Variants in VGLL3 observed in about 807,000 individuals in gnomAD.
VGLL3 encodes vestigial like family member 3.
VGLL3 carries 18 observed loss-of-function variants against 29.2 expected under a neutral mutation model. The ratio of observed to expected loss-of-function variants is 0.62; its 90% CI spans 0.43 to 0.91. The LOEUF (loss-of-function observed/expected upper bound fraction) is 0.91. VGLL3 is among the 40% of genes least tolerant of loss of function. The pLI is 0.00. For missense variants in VGLL3, 440 were observed against 413.2 expected, an observed-to-expected ratio of 1.06 and a Z score of -0.56; for synonymous variants, 180 against 151.8, an observed-to-expected ratio of 1.19 and a Z score of -1.36.
In VGLL3 at chr3:86,943,625, A is replaced by G. The variant is rs1459258914; in HGVS notation, c.*3399T>C. On this transcript the variant is annotated 3_prime_UTR_variant, in exon 4 of 4. Transcript: ENST00000398399. ...CCATTTTTGCTTAACAAAATAATATAAATACTCTTAAGAAGAAAGAAAAAG... is the reference window on the plus strand; with the variant it reads ...CCATTTTTGCTTAACAAAATAATATGAATACTCTTAAGAAGAAAGAAAAAG... The G allele has an allele frequency of 6.6e-6, 1 of 152,136 alleles. No individual in the cohort carries two copies. Among genetic ancestry groups the G allele is most frequent in the Admixed American group, 6.5e-5 (1 of 15,276 alleles). The allele number at this position is 152,136 out of a possible 1,614,324, so 9.4% of individuals were successfully genotyped here.
At chr3:86,957,296 T>C (rs2106981784) in intron 3 of VGLL3, among the ~76,000 whole-genome samples, 1 of 152,292 alleles carries the variant, frequency 6.6e-6, no homozygotes, top group South Asian at 2.1e-4. Context: ...CTGTAACAAG[T>C]ATCACAGCTA....
rs1433244872 is a variant in VGLL3, at chr3:86,942,854, C to T, written c.*4170G>A. Reference sequence around the variant, plus strand: ...TTCTTACAGAAAAACAATCATGTATCTATTTGATTGCTGCAGAAACGGATA... The same window carrying T: ...TTCTTACAGAAAAACAATCATGTATTTATTTGATTGCTGCAGAAACGGATA... On this transcript the variant is annotated 3_prime_UTR_variant, in exon 4 of 4. Transcript: ENST00000398399. 1 of 152,170 alleles carries T rather than the reference C, an allele frequency of 6.6e-6. No homozygotes were observed. Among genetic ancestry groups the T allele is most frequent in the East Asian group, 1.9e-4 (1 of 5,198 alleles). 9.4% of individuals were successfully genotyped at this position (152,170 alleles called of 1,614,324 possible). A position where few individuals can be genotyped will look rare whatever the true frequency, so the allele number is the denominator to read the frequency against.
intron 1 of VGLL3, 172 bp downstream of exon 1, chr3:86,990,446 G>T (rs967403504): frequency 3.1e-6 from 3 of 976,612 alleles, no homozygotes; most frequent in African/African-American, 1.8e-5. Context: ...CGTCCACCCT[G>T]CTGCTCTCCC....
chr3:86,957,798 C>CT (rs1704752888), intron 3 of VGLL3, among the ~76,000 whole-genome samples: 1 of 152,002 alleles, frequency 6.6e-6, no homozygotes, highest in Non-Finnish European at 1.5e-5. Context: ...TATCTCTTTT[C>CT]TTTTTTTCCC....
In VGLL3 at chr3:86,968,822, G is replaced by T. The variant is rs1186683005; in HGVS notation, c.705C>A (p.His235Gln). The T allele has an allele frequency of 9.3e-6, 15 of 1,614,168 alleles. No individual in the cohort carries two copies. Among genetic ancestry groups the T allele is most frequent in the Non-Finnish European group, 1.3e-5 (15 of 1,180,028 alleles). ...VYMRHHHPHA[H>Q]MHHRHRHHHH... ...GATGGTGGCGGTGGCGGTGGTGCAT[G>T]TGGGCATGAGGGTGGTGGTGCCGCA... The change falls in exon 3 of 4, where the codon CAC becomes CAA. Residue 235 changes from histidine (H) to glutamine (Q), a missense_variant. Transcript: ENST00000398399.
intron 1 of VGLL3, among the ~76,000 whole-genome samples, chr3:86,987,969 A>G (rs770106670): frequency 7.2e-5 from 11 of 152,216 alleles, no homozygotes; most frequent in Non-Finnish European, 1.5e-4. Context: ...AAGTTCTGTT[A>G]TTTCCAAAAT....
At chr3:86,957,067 C>G (rs913823204) in intron 3 of VGLL3, among the ~76,000 whole-genome samples, 5 of 151,980 alleles carry the variant, frequency 3.3e-5, no homozygotes, top group African/African-American at 1.2e-4. Context: ...CTCAACAATA[C>G]GTAAGCATAA....
At chr3:86,989,870 T>C (rs1705542813) in intron 1 of VGLL3, among the ~76,000 whole-genome samples, 1 of 152,164 alleles carries the variant, frequency 6.6e-6, no homozygotes, top group Admixed American at 6.5e-5. Context: ...CTAAAGTAAC[T>C]ATATCATCTC....
At chr3:86,962,484 C>T in intron 3 of VGLL3, 1 of 985,224 alleles carries the variant, frequency 1.0e-6, no homozygotes, top group Non-Finnish European at 1.2e-6. Flanking sequence ...GCAGTTTTGC[C>T]TACCAAACCT....
rs74874975 is a variant in VGLL3 at position 86,986,091 on chromosome 3, T to G, written c.126+4527A>C. Reference sequence around the variant, plus strand: ...CACACACGCACATAGCCCAGCTTCTTCTTCAGTAACCTGAAGAAACAGTGC... The same window carrying G: ...CACACACGCACATAGCCCAGCTTCTGCTTCAGTAACCTGAAGAAACAGTGC... On this transcript the variant is annotated intron_variant, in intron 1 of 3. Coordinates refer to ENST00000398399, the MANE Select transcript of VGLL3 (RefSeq NM_016206.4). Among the ~76,000 whole-genome samples, 400 of 152,212 alleles carry G rather than the reference T, an allele frequency of 2.6e-3. 9 individuals carry two copies. In the East Asian group the frequency reaches 0.07, roughly 27 times the overall value.
At chr3:86,959,008 A>G (rs1386995103) in intron 3 of VGLL3, among the ~76,000 whole-genome samples, 2 of 152,236 alleles carry the variant, frequency 1.3e-5, no homozygotes, top group Admixed American at 6.5e-5. Context: ...CATAAACTCA[A>G]TAATGACAAC....
chr3:86,950,412 A>G (rs1243564371), intron 3 of VGLL3, among the ~76,000 whole-genome samples: 1 of 152,344 alleles, frequency 6.6e-6, no homozygotes, highest in Middle Eastern at 3.4e-3. Flanking sequence ...AAGAGAATTT[A>G]CGCAATCATT....
chr3:86,949,109 G>T (rs1232910491), intron 3 of VGLL3, among the ~76,000 whole-genome samples: 2 of 152,274 alleles, frequency 1.3e-5, no homozygotes, highest in African/African-American at 2.4e-5. Flanking sequence ...CAAGTGGTTT[G>T]CCTGTCTTAT....
chr3:86,990,144 T>C (rs1216382562), intron 1 of VGLL3, among the ~76,000 whole-genome samples: 1 of 152,176 alleles, frequency 6.6e-6, no homozygotes, highest in East Asian at 1.9e-4. Flanking sequence ...TAGACCAGTG[T>C]TCCCCCATGA....
intron 3 of VGLL3, among the ~76,000 whole-genome samples, chr3:86,964,575 G>T (rs1423384935): frequency 1.3e-5 from 2 of 152,190 alleles, no homozygotes; most frequent in Non-Finnish European, 2.9e-5. Context: ...GCGAGCCTTA[G>T]AAGGTAATTA....
intron 2 of VGLL3, among the ~76,000 whole-genome samples, chr3:86,973,079 A>G (rs1390362867): frequency 6.6e-6 from 1 of 152,114 alleles, no homozygotes; most frequent in African/African-American, 2.4e-5. Context: ...AAAAACACAC[A>G]CACACACACA....
chr3:86,987,439 A>G (rs1179800817), intron 1 of VGLL3, among the ~76,000 whole-genome samples: 1 of 152,154 alleles, frequency 6.6e-6, no homozygotes, highest in Non-Finnish European at 1.5e-5. Context: ...TGAAGCCCAA[A>G]GTGTGATTGT....
intron 1 of VGLL3, among the ~76,000 whole-genome samples, chr3:86,987,933 G>A (rs1013220268): frequency 1.3e-5 from 2 of 152,136 alleles, no homozygotes; most frequent in African/African-American, 2.4e-5. Flanking sequence ...CGGAAAACAG[G>A]TGAGAGTACA....
At chr3:86,958,126 CA>C (rs1452909847) in intron 3 of VGLL3, among the ~76,000 whole-genome samples, 1 of 152,134 alleles carries the variant, frequency 6.6e-6, no homozygotes, top group East Asian at 1.9e-4. Context: ...ACAATTCACT[CA>C]TAGATCCCAC....
Sources: gnomAD v4.1 joint callset for allele counts (sites outside exome capture counted in the v4.1 genomes callset) on GRCh38, gnomAD v4.1.1 for gene constraint, MANE v1.5 for transcripts, NCBI Gene and HGNC (gene_info 2026-07-23, HGNC 2026-07-21) for gene names.